BAALC: variants seen among roughly 807,000 people sequenced by gnomAD.
The protein encoded by BAALC is brain and acute leukemia cytoplasmic protein.
A neutral mutation model predicts 15.5 loss-of-function variants in BAALC; 9 were observed. That is an observed-to-expected ratio of 0.58 (90% CI 0.35 to 1.02). The LOEUF (loss-of-function observed/expected upper bound fraction) is 1.02, where lower values mean the gene tolerates loss of function less well. Ranked by LOEUF, BAALC falls within the 50% of genes least tolerant of loss-of-function variation. The probability of loss-of-function intolerance (pLI) is 0.02; values close to 1 mark genes in which losing one functional copy is unlikely to be tolerated. For missense variants in BAALC, 201 were observed against 192.4 expected, an observed-to-expected ratio of 1.04 and a Z score of -0.27; for synonymous variants, 80 against 74.6, an observed-to-expected ratio of 1.07 and a Z score of -0.37.
At chr8:103,190,571 A>T (rs1272641699) in intron 1 of BAALC, among the ~76,000 whole-genome samples, 1 of 152,222 alleles carries the variant, frequency 6.6e-6, no homozygotes, top group African/African-American at 2.4e-5. Context: ...GCAATGGAAT[A>T]TGAATGGGAC....
chr8:103,152,672 A>G (rs1811010973), intron 1 of BAALC, among the ~76,000 whole-genome samples: 1 of 152,208 alleles, frequency 6.6e-6, no homozygotes, highest in Non-Finnish European at 1.5e-5. Context: ...CACCTTTTGT[A>G]CCAGTTAGGG....
intron 1 of BAALC, among the ~76,000 whole-genome samples, chr8:103,210,521 C>G (rs1812426911): frequency 1.3e-5 from 2 of 152,258 alleles, no homozygotes; most frequent in African/African-American, 4.8e-5. Flanking sequence ...TACAAAAATA[C>G]ACTGCGCTTC....
chr8:103,214,123 G>A (rs1812509331), intron 2 of BAALC, among the ~76,000 whole-genome samples: 1 of 152,162 alleles, frequency 6.6e-6, no homozygotes. Context: ...GCTCTTCACA[G>A]GATTCATGTT....
At chr8:103,215,170 C>A (rs970008263) in intron 2 of BAALC, among the ~76,000 whole-genome samples, 1 of 152,186 alleles carries the variant, frequency 6.6e-6, no homozygotes, top group African/African-American at 2.4e-5. Context: ...CCATCCATCA[C>A]TTTAAAATTA....
chr8:103,206,418 G>A (rs1812333475), intron 1 of BAALC, among the ~76,000 whole-genome samples: 1 of 152,100 alleles, frequency 6.6e-6, no homozygotes, highest in South Asian at 2.1e-4. Flanking sequence ...GGAGAAGTAT[G>A]TAGAGGTCAT....
intron 1 of BAALC, among the ~76,000 whole-genome samples, chr8:103,164,985 A>G (rs1811313004): frequency 6.6e-6 from 1 of 152,164 alleles, no homozygotes; most frequent in South Asian, 2.1e-4. Context: ...GAACACACTA[A>G]CTTTGGTATC....
intron 1 of BAALC, among the ~76,000 whole-genome samples, chr8:103,177,872 A>G (rs897543518): frequency 2.6e-5 from 4 of 152,236 alleles, no homozygotes; most frequent in African/African-American, 9.6e-5. Context: ...CTTTGTGTAT[A>G]TTAACTAGTT....
At chr8:103,167,003 G>GA (rs1370530752) in intron 1 of BAALC, among the ~76,000 whole-genome samples, 1 of 152,188 alleles carries the variant, frequency 6.6e-6, no homozygotes, top group Non-Finnish European at 1.5e-5. Context: ...TACCTGGGGT[G>GA]AAATGGAACG....
intron 1 of BAALC, chr8:103,172,059 C>A (rs1586397259): frequency 6.6e-6 from 1 of 152,184 alleles, no homozygotes; most frequent in Non-Finnish European, 1.5e-5. Flanking sequence ...CCTTTAAATC[C>A]ATTTTTGCTG....
At chr8:103,189,820 A>G (rs1811926311) in intron 1 of BAALC, among the ~76,000 whole-genome samples, 1 of 152,226 alleles carries the variant, frequency 6.6e-6, no homozygotes, top group African/African-American at 2.4e-5. Flanking sequence ...TGTTTGGACC[A>G]GATGCAGTGG....
intron 2 of BAALC, 77 bp downstream of exon 2, chr8:103,213,162 CGCT>C: frequency 6.7e-7 from 1 of 1,491,340 alleles, no homozygotes; most frequent in Non-Finnish European, 9.1e-7. Context: ...GCCACCCAGC[CGCT>C]ATGTCCAGGG....
intron 2 of BAALC, among the ~76,000 whole-genome samples, chr8:103,215,893 A>C (rs984615606): frequency 3.3e-5 from 5 of 152,242 alleles, no homozygotes; most frequent in African/African-American, 1.2e-4. Flanking sequence ...AAGGTGGCAC[A>C]TCCATGTAAC....
At chr8:103,209,851 A>G (rs1812413350) in intron 1 of BAALC, among the ~76,000 whole-genome samples, 1 of 152,198 alleles carries the variant, frequency 6.6e-6, no homozygotes, top group East Asian at 1.9e-4. Context: ...GCTTGCAATC[A>G]GTTCTTATAT....
intron 1 of BAALC, among the ~76,000 whole-genome samples, chr8:103,160,489 A>G (rs1811201232): frequency 6.6e-6 from 1 of 152,146 alleles, no homozygotes; most frequent in South Asian, 2.1e-4. Context: ...AATGTTTTTA[A>G]AGATTTTTTG....
Position 103,140,834 on chromosome 8 carries a change from G to C in BAALC, c.-64G>C, listed in dbSNP as rs1296978167. On this transcript the variant is annotated 5_prime_UTR_variant, in exon 1 of 3. Transcript: ENST00000309982. The surrounding 1 kb of genome is among the most constrained non-coding windows in gnomAD (Gnocchi z 4.2). ...CCTTGCGGGCCGGGGCTGCGCCTCC[G>C]GGGCTGAGCCGCCGCCAGAGCCGAC... is the stretch of plus-strand genomic sequence containing the variant. The C allele has an allele frequency of 3.7e-6, 5 of 1,349,690 alleles. No homozygotes were observed. The highest frequency in any genetic ancestry group is 1.9e-5 in the South Asian group (1 of 53,908). 83.6% of individuals were successfully genotyped at this position (1,349,690 alleles called of 1,614,324 possible).
chr8:103,195,509 C>T (rs1219111836), intron 1 of BAALC, among the ~76,000 whole-genome samples: 1 of 152,188 alleles, frequency 6.6e-6, no homozygotes, highest in Non-Finnish European at 1.5e-5. Context: ...TGGAAAGACA[C>T]CAGCTTTCAT....
intron 1 of BAALC, among the ~76,000 whole-genome samples, chr8:103,183,007 T>C (rs997957583): frequency 4.6e-5 from 7 of 152,210 alleles, no homozygotes; most frequent in Non-Finnish European, 7.3e-5. Flanking sequence ...CCACAGAAGA[T>C]GACCTTGACA....
intron 1 of BAALC, among the ~76,000 whole-genome samples, chr8:103,152,304 C>T (rs1315150079): frequency 6.6e-6 from 1 of 152,074 alleles, no homozygotes; most frequent in African/African-American, 2.4e-5. Context: ...CTTGATTCCC[C>T]TCTGTTCTCT....
At chr8:103,205,335 A>G (rs548372194) in intron 1 of BAALC, among the ~76,000 whole-genome samples, 2 of 152,256 alleles carry the variant, frequency 1.3e-5, no homozygotes, top group African/African-American at 4.8e-5. Flanking sequence ...GCTATTTCCT[A>G]TCTTTTGGCA....
Sources: gnomAD v4.1 joint callset for allele counts (sites outside exome capture counted in the v4.1 genomes callset) on GRCh38, gnomAD v4.1.1 for gene constraint, Gnocchi (gnomAD v3.1) non-coding constraint, MANE v1.5 for transcripts, NCBI Gene and HGNC (gene_info 2026-07-23, HGNC 2026-07-21) for gene names.